Variants in NBAS observed in about 807,000 individuals in gnomAD.
The protein encoded by NBAS is NBAS subunit of NRZ tethering complex, also known as NAG/BC035112 fusion.
NBAS carries 219 observed loss-of-function variants against 302.5 expected under a neutral mutation model. That is an observed-to-expected ratio of 0.72 (90% confidence interval 0.65 to 0.81). The LOEUF (loss-of-function observed/expected upper bound fraction) is 0.81, where lower values mean the gene tolerates loss of function less well. NBAS is among the 30% of genes least tolerant of loss of function. The probability of loss-of-function intolerance (pLI) is 0.00; values close to 1 mark genes in which losing one functional copy is unlikely to be tolerated. For missense variants in NBAS, 2,932 were observed against 2,841.6 expected, an observed-to-expected ratio of 1.03 and a Z score of -0.72; for synonymous variants, 1,118 against 1,021.6, an observed-to-expected ratio of 1.09 and a Z score of -1.80.
chr2:14,900,500 T>TTTATGGTTTGG, the NBAS span, among the ~76,000 whole-genome samples: 4 of 152,236 alleles, frequency 2.6e-5, no homozygotes, highest in Non-Finnish European at 4.4e-5. Flanking sequence ...CTATTCATCC[T>TTTATGGTTTGG]TTATGGTTTG....
intron 44 of NBAS, among the ~76,000 whole-genome samples, chr2:15,257,668 C>T (rs966956373): frequency 2.0e-5 from 3 of 152,182 alleles, no homozygotes; most frequent in Non-Finnish European, 4.4e-5. Context: ...GCTGGGATTA[C>T]AGGCCCAATG....
At chr2:15,183,785 G>A (rs1436219147) in intron 50 of NBAS, among the ~76,000 whole-genome samples, 2 of 152,188 alleles carry the variant, frequency 1.3e-5, no homozygotes, top group South Asian at 2.1e-4. Context: ...AGCAGACGCA[G>A]TACATCCCTT....
the NBAS span, among the ~76,000 whole-genome samples, chr2:15,079,788 C>T: frequency 9.9e-5 from 15 of 152,216 alleles, 1 homozygote; most frequent in Admixed American, 8.5e-4. Context: ...TTCTAGCAGG[C>T]GGTTAGCACT....
At chr2:15,559,264 G>A (rs1308981484) in intron 1 of NBAS, among the ~76,000 whole-genome samples, 1 of 152,106 alleles carries the variant, frequency 6.6e-6, no homozygotes, top group Non-Finnish European at 1.5e-5. Context: ...TGCCAGTTCA[G>A]CATACTCTAT....
rs1558384323 is a variant in NBAS, at chr2:15,488,962, A to G, written c.1015T>C (p.Ser339Pro). ...DGMLLAAIHF[S>P]GKLSIWAIPS... ...ATCGCCCAGATGCTCAGTTTCCCTG[A>G]GAAGTGAATGGCTGCCAGGAGCATC... is the stretch of plus-strand genomic sequence containing the variant. Residue 339 changes from serine to proline, a missense_variant, in exon 12 of 52, where the codon TCA becomes CCA. Coordinates refer to ENST00000281513, the MANE Select transcript of NBAS (RefSeq NM_015909.4). 6.2e-7 allele frequency: 1 copy of G among 1,613,944 alleles called. No individual in the cohort carries two copies. The highest frequency in any genetic ancestry group is 1.1e-5 in the South Asian group (1 of 91,076).
chr2:15,341,980 A>C (rs1334308035), intron 35 of NBAS, among the ~76,000 whole-genome samples: 1 of 152,202 alleles, frequency 6.6e-6, no homozygotes, highest in Non-Finnish European at 1.5e-5. Context: ...CTTATCAGGC[A>C]ATACTGTCCA....
the NBAS span, among the ~76,000 whole-genome samples, chr2:14,794,251 G>C: frequency 6.6e-6 from 1 of 152,090 alleles, no homozygotes; most frequent in Non-Finnish European, 1.5e-5. Flanking sequence ...TCCGCTGGGC[G>C]CGCATCCTTA....
chr2:15,000,996 A>G, the NBAS span, among the ~76,000 whole-genome samples: 2 of 152,240 alleles, frequency 1.3e-5, 1 homozygote, highest in Non-Finnish European at 2.9e-5. Flanking sequence ...AGACATGGGC[A>G]TGAGCGTGTC....
intron 11 of NBAS, among the ~76,000 whole-genome samples, chr2:15,495,255 A>C (rs1249782233): frequency 6.6e-6 from 1 of 152,182 alleles, no homozygotes; most frequent in Non-Finnish European, 1.5e-5. Context: ...AATGTCATCA[A>C]AAACAGATAC....
At chr2:15,490,248 A>T (rs1160745317) in intron 11 of NBAS, among the ~76,000 whole-genome samples, 1 of 152,206 alleles carries the variant, frequency 6.6e-6, no homozygotes, top group Non-Finnish European at 1.5e-5. Context: ...AAGGTGCCTT[A>T]GCCATCAAAA....
intron 44 of NBAS, among the ~76,000 whole-genome samples, chr2:15,247,680 CTA>C (rs745832444): frequency 2.4e-4 from 36 of 149,494 alleles, no homozygotes; most frequent in East Asian, 9.9e-4. Context: ...CTCTCTCTCT[CTA>C]TATATATATC....
intron 13 of NBAS, among the ~76,000 whole-genome samples, chr2:15,477,850 G>A (rs190943976): frequency 3.2e-4 from 48 of 152,026 alleles, no homozygotes; most frequent in Non-Finnish European, 4.7e-4. Context: ...TCTTTAAAAC[G>A]TGGAAATGTA....
At chr2:15,162,467 ACT>A (rs1487095429), downstream of NBAS, among the ~76,000 whole-genome samples, 1 of 152,166 alleles carries the variant, frequency 6.6e-6, no homozygotes, top group Non-Finnish European at 1.5e-5. Flanking sequence ...GGGAGCAGAA[ACT>A]CACACTCCAG....
the NBAS span, among the ~76,000 whole-genome samples, chr2:15,024,540 CA>C: frequency 6.6e-6 from 1 of 152,104 alleles, no homozygotes; most frequent in Non-Finnish European, 1.5e-5. Flanking sequence ...GAGGAATGGC[CA>C]CATTGCTTTC....
chr2:15,396,738 T>TAA (rs3832117), intron 26 of NBAS, among the ~76,000 whole-genome samples: 24 of 151,292 alleles, frequency 1.6e-4, no homozygotes, highest in Non-Finnish European at 2.2e-4. Context: ...TGCTTAAAGG[T>TAA]AAAAAAATAT....
At chr2:15,291,192 G>A (rs1205688757) in intron 41 of NBAS, among the ~76,000 whole-genome samples, 1 of 152,224 alleles carries the variant, frequency 6.6e-6, no homozygotes, top group East Asian at 1.9e-4. Context: ...CTGTGGTGCT[G>A]TGGTGAAGAT....
At chr2:14,884,079 G>A in the NBAS span, among the ~76,000 whole-genome samples, 1,971 of 152,212 alleles carry the variant, frequency 0.013, 48 homozygotes, top group African/African-American at 0.043. Context: ...TTACTGGGGG[G>A]ACTCTTGGCA....
Position 15,268,717 on chromosome 2 carries a change from G to T in NBAS, c.5724+6767C>A, listed in dbSNP as rs138935852. Among the ~76,000 whole-genome samples, 37 of 152,200 alleles carry T rather than the reference G, an allele frequency of 2.4e-4. No individual in the cohort carries two copies. The East Asian group carries it at 4.1e-3, about 17-fold the overall frequency. ...TTGAGTGCAGGGAGTAGTATAGGAG[G>T]ACAAAAATAGCAGAAAACTGACATG... On this transcript the variant is annotated intron_variant, in intron 44 of 51. Coordinates refer to ENST00000281513, the MANE Select transcript of NBAS (RefSeq NM_015909.4).
At chr2:14,953,737 T>C in the NBAS span, among the ~76,000 whole-genome samples, 1 of 152,150 alleles carries the variant, frequency 6.6e-6, no homozygotes, top group East Asian at 1.9e-4. Flanking sequence ...AGAGTAGCAC[T>C]GGAGTGACTC....
Sources: gnomAD v4.1 joint callset for allele counts (sites outside exome capture counted in the v4.1 genomes callset) on GRCh38, gnomAD v4.1.1 for gene constraint, MANE v1.5 for transcripts, NCBI Gene and HGNC (gene_info 2026-07-23, HGNC 2026-07-21) for gene names.